CELF2: variants seen among roughly 807,000 people sequenced by gnomAD.
The protein encoded by CELF2 is CUG triplet repeat RNA-binding protein 2.
CELF2 carries 8 observed loss-of-function variants against 62.6 expected under a neutral mutation model. The observed-to-expected ratio is 0.13, with a 90% confidence interval of 0.07 to 0.23. The LOEUF (loss-of-function observed/expected upper bound fraction) is 0.23. Among genes scored for constraint, CELF2 ranks in the 10% least tolerant of loss-of-function variants. CELF2 has a pLI of 1.00. For missense variants in CELF2, 333 were observed against 671.0 expected, an observed-to-expected ratio of 0.50 and a Z score of 5.56; for synonymous variants, 258 against 250.0, an observed-to-expected ratio of 1.03 and a Z score of -0.30.
chr10:10,982,096 T>C (rs1166170780), intron 2 of CELF2, among the ~76,000 whole-genome samples: 1 of 151,734 alleles, frequency 6.6e-6, no homozygotes, highest in African/African-American at 2.4e-5. Flanking sequence ...GCTGGGATTA[T>C]AGGTGCCCAC....
intron 3 of CELF2, among the ~76,000 whole-genome samples, chr10:11,240,804 G>A (rs1300111710): frequency 1.3e-5 from 2 of 152,174 alleles, no homozygotes; most frequent in Non-Finnish European, 2.9e-5. Flanking sequence ...TTTATGTGTA[G>A]CGTGGAAGAG....
At chr10:11,134,341 G>A (rs1177738380) in intron 1 of CELF2, among the ~76,000 whole-genome samples, 1 of 152,226 alleles carries the variant, frequency 6.6e-6, no homozygotes, top group Non-Finnish European at 1.5e-5. Flanking sequence ...CATCTTCACA[G>A]TAAAAAGTGG....
Position 11,324,101 on chromosome 10 carries a change from C to T in CELF2, c.1295-1735C>T, listed in dbSNP as rs762679136. Among the ~76,000 whole-genome samples, 1 of 152,152 alleles carries T rather than the reference C, an allele frequency of 6.6e-6. No homozygotes were observed. The highest frequency in any genetic ancestry group is 1.5e-5 in the Non-Finnish European group (1 of 68,020). On this transcript the variant is annotated intron_variant, in intron 11 of 12. Transcript: ENST00000633077. This position sits in a 1 kb window ranked among gnomAD's most constrained non-coding sequence, Gnocchi z 4.7. ...GTGCGTTTACTGGTCTCTCTGTTTC[C>T]TTGGTCTCTGTTGGGCATAGACAAA...
chr10:10,796,890 G>T (rs1338396572), upstream of CELF2: 2 of 985,194 alleles, frequency 2.0e-6, no homozygotes, highest in South Asian at 4.7e-5. Context: ...GAAAGGCAAT[G>T]ATTTTTGTAC....
intron 2 of CELF2, chr10:10,920,033 A>T (rs995743894): frequency 8.2e-7 from 1 of 1,217,932 alleles, no homozygotes; most frequent in African/African-American, 1.6e-5. Context: ...TCTATGCCCG[A>T]TTTCTTATAT....
chr10:10,955,921 C>G lies in CELF2; in HGVS notation c.89+35922C>G, dbSNP rs190232927. The stretch of plus-strand genomic sequence containing the variant: ...GACTTGCTAGCATCCCATGCCCGAC[C>G]ACAATAGTTTAAACACTAACCCGAG... On this transcript the variant is annotated intron_variant, in intron 2 of 13. Transcript: ENST00000636488. 2.4e-3 allele frequency among the ~76,000 whole-genome samples: 368 copies of G among 152,284 alleles called. 5 individuals are homozygous for G. Among genetic ancestry groups the G allele is most frequent in the East Asian group, 3.9e-4 (2 of 5,180 alleles).
chr10:11,176,670 G>C (rs1275558407), intron 2 of CELF2, among the ~76,000 whole-genome samples: 2 of 152,168 alleles, frequency 1.3e-5, no homozygotes, highest in African/African-American at 2.4e-5. Flanking sequence ...GTGTAGACTA[G>C]ATGGACTAGA....
chr10:10,700,569 G>A, the CELF2 span, among the ~76,000 whole-genome samples: 1 of 152,178 alleles, frequency 6.6e-6, no homozygotes, highest in African/African-American at 2.4e-5. Context: ...CAGAGACTGA[G>A]CGCTGGGGCC....
upstream of CELF2, chr10:10,798,533 A>G (rs1262458243): frequency 2.6e-6 from 1 of 385,936 alleles, no homozygotes; most frequent in African/African-American, 2.1e-5. Flanking sequence ...GTTGGAGCAG[A>G]TTACCGGGGC....
At chr10:11,022,367 A>G (rs1335120199) in intron 1 of CELF2, among the ~76,000 whole-genome samples, 1 of 152,168 alleles carries the variant, frequency 6.6e-6, no homozygotes, top group Non-Finnish European at 1.5e-5. Context: ...TTTAATTGCA[A>G]TTTGCTGGGT....
chr10:10,498,823 CAATT>C, the CELF2 span, among the ~76,000 whole-genome samples: 2 of 152,106 alleles, frequency 1.3e-5, no homozygotes, highest in African/African-American at 4.8e-5. Context: ...TAATGGAAAA[CAATT>C]AATGGTCTCA....
the CELF2 span, among the ~76,000 whole-genome samples, chr10:10,603,169 G>GA: frequency 0.45 from 68,338 of 151,522 alleles, 15,713 homozygotes; most frequent in South Asian, 0.67. Flanking sequence ...TGTGCATATT[G>GA]AACACCTGGT....
chr10:10,728,996 C>T, the CELF2 span, among the ~76,000 whole-genome samples: 2 of 152,016 alleles, frequency 1.3e-5, no homozygotes, highest in East Asian at 1.9e-4. Context: ...TAGAACATGT[C>T]GACAAATTAG....
intron 1 of CELF2, among the ~76,000 whole-genome samples, chr10:10,881,263 G>A (rs1158003247): frequency 6.6e-6 from 1 of 152,112 alleles, no homozygotes; most frequent in African/African-American, 2.4e-5. Flanking sequence ...GTGCATGGAT[G>A]GTATATTTTG....
At chr10:11,152,066 G>T (rs891625440) in intron 1 of CELF2, among the ~76,000 whole-genome samples, 1 of 152,212 alleles carries the variant, frequency 6.6e-6, no homozygotes, top group African/African-American at 2.4e-5. Flanking sequence ...CCATGGCCCA[G>T]TTATATCCTA....
chr10:11,035,777 A>G (rs977704304), intron 1 of CELF2, among the ~76,000 whole-genome samples: 1 of 152,212 alleles, frequency 6.6e-6, no homozygotes, highest in Non-Finnish European at 1.5e-5. Flanking sequence ...CTGAGTCTCA[A>G]TGGACCATGT....
chr10:10,865,638 G>A (rs1386458135), intron 1 of CELF2, among the ~76,000 whole-genome samples: 2 of 152,076 alleles, frequency 1.3e-5, no homozygotes, highest in South Asian at 2.1e-4. Flanking sequence ...TGCCTAGCAG[G>A]TAAAATATGC....
At chr10:11,282,723 C>T (rs1019103139) in intron 8 of CELF2, among the ~76,000 whole-genome samples, 3 of 152,232 alleles carry the variant, frequency 2.0e-5, no homozygotes, top group East Asian at 1.9e-4. Flanking sequence ...AAACAGGTAA[C>T]GAGCTTGCTC....
At chr10:10,856,417 G>A (rs532438323) in intron 1 of CELF2, among the ~76,000 whole-genome samples, 5 of 152,172 alleles carry the variant, frequency 3.3e-5, no homozygotes, top group African/African-American at 1.2e-4. Context: ...CATCTGCAAA[G>A]TAGAACAGAG....
Sources: allele counts gnomAD v4.1 joint callset (sites outside exome capture counted in the v4.1 genomes callset), GRCh38; gene constraint gnomAD v4.1.1; non-coding constraint Gnocchi (gnomAD v3.1); transcripts MANE v1.5; gene names NCBI Gene and HGNC (gene_info 2026-07-23, HGNC 2026-07-21).